The following NAALADL2 variants were observed in gnomAD, a reference collection of about 807,000 sequenced individuals.
NAALADL2 encodes N-acetylated alpha-linked acidic dipeptidase like 2, also known as inactive N-acetylated-alpha-linked acidic dipeptidase-like protein 2.
NAALADL2 carries 76 observed loss-of-function variants against 87.2 expected under a neutral mutation model. The ratio of observed to expected loss-of-function variants is 0.87; its 90% CI spans 0.72 to 1.05. NAALADL2 has a LOEUF of 1.05. NAALADL2 is among the 50% of genes least tolerant of loss of function. NAALADL2 has a pLI of 0.00. For synonymous variants in NAALADL2, 354 were observed against 331.0 expected (o/e 1.07, Z -0.75); for missense variants, 1,089 against 945.8 (o/e 1.15, Z -1.99).
chr3:175,087,298 G>A (rs1379917096), intron 1 of NAALADL2, among the ~76,000 whole-genome samples: 25 of 152,206 alleles, frequency 1.6e-4, no homozygotes, highest in Non-Finnish European at 2.2e-4. Context: ...GGCAGCCCCC[G>A]CCCTGGCAGC....
At chr3:175,769,490 C>G (rs1433946844) in intron 13 of NAALADL2, among the ~76,000 whole-genome samples, 3 of 152,128 alleles carry the variant, frequency 2.0e-5, no homozygotes, top group Non-Finnish European at 4.4e-5. Context: ...TTTTCAGGGC[C>G]TTTAATATCT....
At position 175,327,148 on chromosome 3, in the gene NAALADL2, C is replaced by CTTTTTTTTTT. The variant is rs35198621; in HGVS notation, c.1090+2837_1090+2846dup. Among the ~76,000 whole-genome samples the CTTTTTTTTTT allele has an allele frequency of 1.1e-3, 108 of 99,494 alleles. 5 individuals carry two copies. Among genetic ancestry groups the CTTTTTTTTTT allele is most frequent in the African/African-American group, 3.5e-3 (84 of 23,796 alleles). The allele number at this position is 99,494 out of a possible 152,430, so 65.3% of individuals were successfully genotyped here. On this transcript the variant is annotated intron_variant, in intron 5 of 13. Transcript: ENST00000454872. ...CCAGCTTTATCAACTGTCTACATTT[C>CTTTTTTTTTT]TTTTTTTTTTTTTTTTTTTTTTTCT...
At chr3:174,910,335 A>G (rs539717759) in intron 1 of NAALADL2, among the ~76,000 whole-genome samples, 1 of 152,202 alleles carries the variant, frequency 6.6e-6, no homozygotes, top group East Asian at 1.9e-4. Context: ...TTTTAAAATA[A>G]CTGCATCACT....
intron 9 of NAALADL2, among the ~76,000 whole-genome samples, chr3:175,485,236 G>A (rs963936917): frequency 6.6e-6 from 1 of 152,126 alleles, no homozygotes; most frequent in Non-Finnish European, 1.5e-5. Context: ...CAATGTGATG[G>A]TGTTTGGAAG....
At chr3:174,742,329 TG>T (rs1733843659) in intron 3 of NAALADL2, among the ~76,000 whole-genome samples, 1 of 151,646 alleles carries the variant, frequency 6.6e-6, no homozygotes, top group South Asian at 2.1e-4. Context: ...CATATTGTAA[TG>T]GTATATAACT....
intron 3 of NAALADL2, among the ~76,000 whole-genome samples, chr3:174,788,324 A>T (rs1211971362): frequency 6.6e-6 from 1 of 152,212 alleles, no homozygotes; most frequent in African/African-American, 2.4e-5. Context: ...AGTCTATTTG[A>T]AAGAAGACAA....
At position 175,150,607 on chromosome 3, in the gene NAALADL2, C is replaced by T. The variant is rs537334772; in HGVS notation, c.545+53316C>T. ...TAGCATAGCCAGTTCGAATAGCCTG[C>T]CTTAATTTGCATTCATTTGTCATAA... On this transcript the variant is annotated intron_variant, in intron 2 of 13. Transcript: ENST00000454872. Among the ~76,000 whole-genome samples the T allele has an allele frequency of 1.4e-4, 21 of 152,132 alleles. No individual in the cohort carries two copies. In the East Asian group the frequency reaches 3.9e-3, roughly 28 times the overall value.
intron 1 of NAALADL2, among the ~76,000 whole-genome samples, chr3:175,061,926 C>T (rs770663950): frequency 5.3e-5 from 8 of 152,040 alleles, no homozygotes; most frequent in Non-Finnish European, 1.2e-4. Context: ...ACAGATGGGA[C>T]TTAACCACAA....
At chr3:174,946,132 T>G (rs946291258) in intron 1 of NAALADL2, among the ~76,000 whole-genome samples, 4 of 151,876 alleles carry the variant, frequency 2.6e-5, no homozygotes, top group African/African-American at 9.7e-5. Context: ...CTTGTTTATT[T>G]CTCTATATAT....
chr3:175,470,637 G>A (rs757529204), intron 8 of NAALADL2, among the ~76,000 whole-genome samples: 4 of 152,068 alleles, frequency 2.6e-5, no homozygotes, highest in Non-Finnish European at 5.9e-5. Flanking sequence ...GGACATTTCT[G>A]TAGAACTGCC....
intron 1 of NAALADL2, among the ~76,000 whole-genome samples, chr3:175,062,346 T>G (rs1196741127): frequency 6.6e-6 from 1 of 152,156 alleles, no homozygotes; most frequent in Non-Finnish European, 1.5e-5. Context: ...TTTTGGAGAT[T>G]GTTGGCTCAG....
intron 5 of NAALADL2, among the ~76,000 whole-genome samples, chr3:175,365,599 A>G (rs970821122): frequency 6.8e-6 from 1 of 147,412 alleles, no homozygotes; most frequent in Non-Finnish European, 1.5e-5. Flanking sequence ...GCAAAATAAC[A>G]TGTTTGGTGG....
intron 1 of NAALADL2, among the ~76,000 whole-genome samples, chr3:174,985,934 G>T (rs61384744): frequency 2.6e-5 from 4 of 151,630 alleles, no homozygotes; most frequent in Non-Finnish European, 5.9e-5. Context: ...CCTGGGCAAC[G>T]AGAGCGAAAC....
intron 1 of NAALADL2, among the ~76,000 whole-genome samples, chr3:174,917,246 C>G (rs1042558647): frequency 6.6e-6 from 1 of 152,064 alleles, no homozygotes; most frequent in Admixed American, 6.5e-5. Context: ...TCCTTCATTT[C>G]CAATTCTTAA....
chr3:174,898,799 T>G (rs2109846329), intron 1 of NAALADL2, among the ~76,000 whole-genome samples: 1 of 152,294 alleles, frequency 6.6e-6, no homozygotes, highest in Admixed American at 6.5e-5. Flanking sequence ...AAATAAATCC[T>G]GGATGGTAAA....
intron 1 of NAALADL2, among the ~76,000 whole-genome samples, chr3:174,995,786 GA>G (rs547943890): frequency 0.12 from 15,965 of 136,712 alleles, 891 homozygotes; most frequent in Middle Eastern, 0.2. Flanking sequence ...CGCTATTACT[GA>G]AAAAAAAAAA....
chr3:174,609,129 A>C (rs1346244021), intron 2 of NAALADL2, among the ~76,000 whole-genome samples: 1 of 152,022 alleles, frequency 6.6e-6, no homozygotes, highest in Admixed American at 6.6e-5. Flanking sequence ...CATGCTAAAA[A>C]CTCTCAATAA....
intron 11 of NAALADL2, chr3:175,675,483 A>G (rs1034798150): frequency 6.6e-6 from 1 of 152,250 alleles, no homozygotes; most frequent in African/African-American, 2.4e-5. Context: ...TTCATAAAAC[A>G]GAGATAAGAT....
intron 7 of NAALADL2, among the ~76,000 whole-genome samples, chr3:175,465,640 T>A (rs1434196399): frequency 6.6e-6 from 1 of 152,018 alleles, no homozygotes; most frequent in Non-Finnish European, 1.5e-5. Flanking sequence ...GCCCAGCTAA[T>A]TTTTGTATTT....
Sources: gnomAD v4.1 joint callset for allele counts (sites outside exome capture counted in the v4.1 genomes callset) on GRCh38, gnomAD v4.1.1 for gene constraint, MANE v1.5 for transcripts, NCBI Gene and HGNC (gene_info 2026-07-23, HGNC 2026-07-21) for gene names.